Variants in TTC23L observed in about 807,000 individuals in gnomAD.
The protein encoded by TTC23L is tetratricopeptide repeat protein 23-like.
A neutral mutation model predicts 48.1 loss-of-function variants in TTC23L; 42 were observed. The observed-to-expected ratio is 0.87, with a 90% CI of 0.68 to 1.13. The LOEUF is 1.13. Among genes scored for constraint, TTC23L ranks in the 50% most tolerant of loss-of-function variants. The pLI, the probability that TTC23L is intolerant of heterozygous loss-of-function variation, is 0.00. For synonymous variants in TTC23L, 159 were observed against 157.2 expected, an observed-to-expected ratio of 1.01 and a Z score of -0.09; for missense variants, 391 against 421.0, an observed-to-expected ratio of 0.93 and a Z score of 0.62.
intron 9 of TTC23L, among the ~76,000 whole-genome samples, chr5:34,880,847 C>T (rs1370364511): frequency 6.6e-6 from 1 of 152,102 alleles, no homozygotes; most frequent in Non-Finnish European, 1.5e-5. Context: ...CCATGTTGAC[C>T]AGTCTGGTCT....
chr5:34,847,498 T>A (rs63253560), intron 3 of TTC23L, among the ~76,000 whole-genome samples: 37 of 114,752 alleles, frequency 3.2e-4, no homozygotes, highest in East Asian at 2.6e-3. Flanking sequence ...TTTTTTTTTT[T>A]AAATCAAACC....
At chr5:34,922,045 C>A in the TTC23L span, 1 of 394,264 alleles carries the variant, frequency 2.5e-6, no homozygotes, top group Non-Finnish European at 4.5e-6. Flanking sequence ...GGTAGAATAC[C>A]TAAGAGGAAC....
chr5:34,915,944 C>T, the TTC23L span: 20 of 1,490,822 alleles, frequency 1.3e-5, no homozygotes, highest in African/African-American at 2.8e-4. Context: ...CGGCTCTGTG[C>T]GCCTTTTCTT....
intron 4 of TTC23L, chr5:34,861,446 T>G (rs1210167264): frequency 6.5e-6 from 1 of 154,048 alleles, no homozygotes; most frequent in Non-Finnish European, 1.5e-5. Context: ...AAGGTGCATT[T>G]GAAATGCTTT....
intron 9 of TTC23L, among the ~76,000 whole-genome samples, chr5:34,896,207 G>C: frequency 6.6e-6 from 1 of 152,196 alleles, no homozygotes; most frequent in Non-Finnish European, 1.5e-5. Context: ...GAGCAGTGGG[G>C]AGCTCTGCAA....
At chr5:34,862,322 C>T (rs1760733738) in intron 4 of TTC23L, among the ~76,000 whole-genome samples, 1 of 152,024 alleles carries the variant, frequency 6.6e-6, no homozygotes, top group African/African-American at 2.4e-5. Context: ...AAAAAAAAAT[C>T]CCCAGATGGA....
chr5:34,925,570 C>A, the TTC23L span: 1 of 1,256,440 alleles, frequency 8.0e-7, no homozygotes, highest in Non-Finnish European at 1.1e-6. Context: ...CTTTTATTAT[C>A]TAATACTATC....
chr5:34,905,719 T>C, the TTC23L span: 4 of 152,156 alleles, frequency 2.6e-5, no homozygotes, highest in African/African-American at 9.7e-5. Flanking sequence ...CATCAATTTG[T>C]AGTGGCACCA....
At chr5:34,919,540 T>G in the TTC23L span, among the ~76,000 whole-genome samples, 1 of 152,208 alleles carries the variant, frequency 6.6e-6, no homozygotes. Context: ...GTCTTTGGTT[T>G]GTGAGAATTT....
In TTC23L at chr5:34,890,645, A is replaced by T. The variant is rs549843800; in HGVS notation, c.1078-6125A>T. Reference sequence around the variant, plus strand: ...CCAGAACCCATTTTACATGTGGGAAAACTGAAGTTTTATGATTTACTGAAG... The same window carrying T: ...CCAGAACCCATTTTACATGTGGGAATACTGAAGTTTTATGATTTACTGAAG... On this transcript the variant is annotated intron_variant, in intron 9 of 10. Transcript: ENST00000505624. Among the ~76,000 whole-genome samples the T allele has an allele frequency of 7.9e-5, 12 of 152,226 alleles. No homozygotes were observed. In the East Asian group the frequency reaches 1.2e-3, roughly 15 times the overall value.
chr5:34,920,377 G>C, the TTC23L span: 1 of 151,974 alleles, frequency 6.6e-6, no homozygotes, highest in Admixed American at 6.6e-5. Flanking sequence ...TTTAACCTCT[G>C]GAAGCACAGA....
At chr5:34,881,767 GTTT>G (rs562919287) in intron 9 of TTC23L, among the ~76,000 whole-genome samples, 1 of 133,800 alleles carries the variant, frequency 7.5e-6, no homozygotes, top group African/African-American at 2.7e-5. Flanking sequence ...TTAGAAGACT[GTTT>G]TTTTTTTTTT....
At chr5:34,908,630 T>C in the TTC23L span, 2 of 723,178 alleles carry the variant, frequency 2.8e-6, no homozygotes, top group East Asian at 5.3e-5. Context: ...TTAGGGTACA[T>C]GACCTTGCTC....
At chr5:34,888,543 T>G in intron 9 of TTC23L, 1 of 984,914 alleles carries the variant, frequency 1.0e-6, no homozygotes, top group Non-Finnish European at 1.2e-6. Flanking sequence ...CAGAGGTGAG[T>G]TCTGGCCCTG....
chr5:34,868,837 C>T (rs1761242374), intron 7 of TTC23L, 68 bp from the exon 8 acceptor site: 3 of 1,386,322 alleles, frequency 2.2e-6, no homozygotes, highest in Admixed American at 2.0e-5. Context: ...TCAAACTCAC[C>T]TCTCATCTAA....
At chr5:34,899,582 C>G (rs900728762), downstream of TTC23L, 1 of 152,356 alleles carries the variant, frequency 6.6e-6, no homozygotes, top group African/African-American at 2.4e-5. Flanking sequence ...GGTGAAATAC[C>G]CAAGAGCCAT....
downstream of TTC23L, among the ~76,000 whole-genome samples, chr5:34,903,004 T>TC (rs1247862336): frequency 6.6e-6 from 1 of 151,330 alleles, no homozygotes; most frequent in Non-Finnish European, 1.5e-5. Flanking sequence ...CCATTCAGAC[T>TC]CCATTTTGGG....
At chr5:34,914,080 C>CTG in the TTC23L span, 1 of 448,702 alleles carries the variant, frequency 2.2e-6, no homozygotes. Flanking sequence ...TGAGATCATG[C>CTG]TGTGCACTTA....
At chr5:34,915,849 G>A in the TTC23L span, 1 of 1,566,410 alleles carries the variant, frequency 6.4e-7, no homozygotes, top group Non-Finnish European at 8.7e-7. Context: ...CCACAGCAGA[G>A]GAGGTGGAGG....
Sources: gnomAD v4.1 joint callset for allele counts (sites outside exome capture counted in the v4.1 genomes callset) on GRCh38, gnomAD v4.1.1 for gene constraint, MANE v1.5 for transcripts, NCBI Gene and HGNC (gene_info 2026-07-23, HGNC 2026-07-21) for gene names.